Variants in PHF21A observed in about 807,000 individuals in gnomAD.
PHF21A encodes BHC80a.
A neutral mutation model predicts 82.5 loss-of-function variants in PHF21A; 11 were observed. The ratio of observed to expected loss-of-function variants is 0.13; its 90% CI spans 0.08 to 0.22. The LOEUF (loss-of-function observed/expected upper bound fraction) is 0.22, where lower values mean the gene tolerates loss of function less well. Among genes scored for constraint, PHF21A ranks in the 10% least tolerant of loss-of-function variants. PHF21A has a pLI of 1.00. For missense variants in PHF21A, 579 were observed against 837.8 expected, an observed-to-expected ratio of 0.69 and a Z score of 3.81; for synonymous variants, 297 against 302.8, an observed-to-expected ratio of 0.98 and a Z score of 0.20.
chr11:45,988,470 G>A (rs2094569647), intron 6 of PHF21A, among the ~76,000 whole-genome samples: 1 of 152,040 alleles, frequency 6.6e-6, no homozygotes, highest in Admixed American at 6.6e-5. Context: ...ACTAAACACT[G>A]GCATTTTTAA....
chr11:45,953,755 AAG>A (rs1198765789), intron 10 of PHF21A, 130 bp from the exon 11 acceptor site: 1 of 644,310 alleles, frequency 1.6e-6, no homozygotes, highest in Admixed American at 2.7e-5. Context: ...TATTAATAAA[AAG>A]GTTAGTATTA....
In PHF21A at chr11:45,934,020, G is replaced by C; in HGVS notation, c.1994C>G (p.Pro665Arg). The C allele has an allele frequency of 6.2e-7, 1 of 1,610,852 alleles. No homozygotes were observed. The highest frequency in any genetic ancestry group is 8.5e-7 in the Non-Finnish European group (1 of 1,178,362). Residue 665 changes from proline to arginine, a missense_variant, in exon 19 of 19, where the codon CCC becomes CGC. Pro to Arg is a moderately radical substitution (Grantham distance 103). Transcript: ENST00000676320. ...NAATSTPAPSPSSQSCTANCN... is the reference protein window; with the variant it reads ...NAATSTPAPSRSSQSCTANCN... Reference sequence around the variant, plus strand: ...GTTCGCTGTGCAGCTCTGGGAGGAGGGGGAAGGGGCCGGCGTGGAGGTGGC... The same window carrying C: ...GTTCGCTGTGCAGCTCTGGGAGGAGCGGGAAGGGGCCGGCGTGGAGGTGGC...
At chr11:46,045,542 T>A (rs1232009261) in intron 6 of PHF21A, among the ~76,000 whole-genome samples, 4 of 152,226 alleles carry the variant, frequency 2.6e-5, no homozygotes, top group East Asian at 1.9e-4. Context: ...TTGGAAAAAA[T>A]TTATTTAGAG....
At chr11:46,014,426 G>C (rs932196308) in intron 6 of PHF21A, among the ~76,000 whole-genome samples, 1 of 152,150 alleles carries the variant, frequency 6.6e-6, no homozygotes, top group Non-Finnish European at 1.5e-5. Flanking sequence ...TGGACACCTA[G>C]GTTGATTCCA....
At chr11:46,009,649 AGT>A (rs2095371776) in intron 6 of PHF21A, among the ~76,000 whole-genome samples, 1 of 152,250 alleles carries the variant, frequency 6.6e-6, no homozygotes, top group Admixed American at 6.5e-5. Context: ...AGCACAGAAA[AGT>A]AACTTTCCAA....
Position 46,014,708 on chromosome 11 carries a change from C to T in PHF21A, c.154-34742G>A, listed in dbSNP as rs959848637. Among the ~76,000 whole-genome samples, 4 of 46,914 alleles carry T rather than the reference C, an allele frequency of 8.5e-5. 1 individual carries two copies. The highest frequency in any genetic ancestry group is 1.3e-4 in the Non-Finnish European group (4 of 29,680). 30.8% of individuals were successfully genotyped at this position (46,914 alleles called of 152,430 possible). ...ATAATAGTTATTCTGGGGCCGGGCGCGGTGGCTCACGCCTGTAATCCCAGC... is the reference window on the plus strand; with the variant it reads ...ATAATAGTTATTCTGGGGCCGGGCGTGGTGGCTCACGCCTGTAATCCCAGC... On this transcript the variant is annotated intron_variant, in intron 6 of 18. Transcript: ENST00000676320.
At chr11:46,072,137 A>G (rs1460766765) in intron 6 of PHF21A, among the ~76,000 whole-genome samples, 1 of 152,262 alleles carries the variant, frequency 6.6e-6, no homozygotes, top group Non-Finnish European at 1.5e-5. Flanking sequence ...CTACAGATAC[A>G]GATATGCTAC....
intron 6 of PHF21A, among the ~76,000 whole-genome samples, chr11:46,048,769 C>CA (rs959993677): frequency 1.2e-4 from 18 of 148,494 alleles, no homozygotes; most frequent in Non-Finnish European, 1.6e-4. Flanking sequence ...GACTCCATCT[C>CA]AAAAAAAAAA....
In PHF21A at chr11:45,935,703, C is replaced by T. The variant is rs751045065; in HGVS notation, c.1721G>A (p.Ser574Asn). 5 of 1,310,346 alleles carry T rather than the reference C, an allele frequency of 3.8e-6. No individual in the cohort carries two copies. In the South Asian group the frequency reaches 6.0e-5, roughly 16 times the overall value. 81.2% of individuals were successfully genotyped at this position (1,310,346 alleles called of 1,614,324 possible). ...EEEKQKLLKW[S>N]SDLKQEREQL... ...TTCTCGTTCTTGTTTTAAATCTGAA[C>T]TCCATTTAAGTAACTTCTGTTTCTC... is the stretch of plus-strand genomic sequence containing the variant. Residue 574 changes from serine (S) to asparagine (N), a missense_variant, in exon 18 of 19, where the codon AGT becomes AAT. Ser to Asn is a conservative substitution (Grantham distance 46). Transcript: ENST00000676320.
chr11:46,111,421 T>C (rs1177685690), intron 1 of PHF21A, among the ~76,000 whole-genome samples: 8 of 151,842 alleles, frequency 5.3e-5, no homozygotes, highest in Non-Finnish European at 1.2e-4. Context: ...AGTGAGCTGA[T>C]ATTGCGCCAC....
intron 7 of PHF21A, among the ~76,000 whole-genome samples, chr11:45,974,940 T>A (rs747498734): frequency 6.6e-6 from 1 of 152,192 alleles, no homozygotes; most frequent in African/African-American, 2.4e-5. Flanking sequence ...ATACTGCCAA[T>A]AGCAAAATCC....
chr11:46,004,156 T>C (rs2095231079), intron 6 of PHF21A, among the ~76,000 whole-genome samples: 1 of 152,222 alleles, frequency 6.6e-6, no homozygotes, highest in Non-Finnish European at 1.5e-5. Flanking sequence ...CCATTTCATT[T>C]AAAAATGTTT....
At chr11:45,969,960 A>G in intron 8 of PHF21A, 56 bp from the exon 9 acceptor site, 1 of 1,118,072 alleles carries the variant, frequency 8.9e-7, no homozygotes, top group Non-Finnish European at 1.3e-6. Context: ...TCAATATCAA[A>G]GCTAGTATTT....
chr11:45,986,840 A>G (rs751642081), intron 6 of PHF21A, among the ~76,000 whole-genome samples: 2 of 151,780 alleles, frequency 1.3e-5, no homozygotes, highest in African/African-American at 2.4e-5. Flanking sequence ...TATTTCAATC[A>G]CTTGATTTTT....
At chr11:46,062,060 CCCA>C (rs2096541382) in intron 6 of PHF21A, among the ~76,000 whole-genome samples, 1 of 151,906 alleles carries the variant, frequency 6.6e-6, no homozygotes, top group African/African-American at 2.4e-5. Context: ...ACATCTGATT[CCCA>C]ATCCCTGTTT....
chr11:45,951,875 C>T (rs1262060753), intron 11 of PHF21A, among the ~76,000 whole-genome samples: 2 of 149,332 alleles, frequency 1.3e-5, no homozygotes, highest in African/African-American at 4.9e-5. Flanking sequence ...GGCACAATCT[C>T]GGCTCACTGC....
chr11:46,069,686 C>A (rs1337503367), intron 6 of PHF21A, among the ~76,000 whole-genome samples: 1 of 152,172 alleles, frequency 6.6e-6, no homozygotes, highest in Non-Finnish European at 1.5e-5. Flanking sequence ...AAGAGTACAG[C>A]AATCTGGATT....
chr11:45,966,673 G>A (rs1313693894), intron 9 of PHF21A, among the ~76,000 whole-genome samples: 2 of 152,106 alleles, frequency 1.3e-5, no homozygotes, highest in Non-Finnish European at 2.9e-5. Context: ...AGGCTGGAGT[G>A]CAGTGGCGCG....
intron 6 of PHF21A, among the ~76,000 whole-genome samples, chr11:46,005,811 G>C (rs1237837365): frequency 6.6e-6 from 1 of 152,134 alleles, no homozygotes; most frequent in Non-Finnish European, 1.5e-5. Context: ...TACTCTAGCT[G>C]TATGAATCTG....
Sources: allele counts gnomAD v4.1 joint callset (sites outside exome capture counted in the v4.1 genomes callset), GRCh38; gene constraint gnomAD v4.1.1; transcripts MANE v1.5; gene names NCBI Gene and HGNC (gene_info 2026-07-23, HGNC 2026-07-21).